Variants in ZNF420 observed in about 807,000 individuals in gnomAD.
ZNF420 encodes zinc finger protein 420.
In ZNF420, 31 loss-of-function variants were observed where a neutral mutation model predicts 44.7. That is an observed-to-expected ratio of 0.69 (90% CI 0.52 to 0.94). ZNF420 has a LOEUF of 0.94. ZNF420 is among the 40% of genes least tolerant of loss of function. The pLI, the probability that ZNF420 is intolerant of heterozygous loss-of-function variation, is 0.00. For synonymous variants in ZNF420, 245 were observed against 267.4 expected, an observed-to-expected ratio of 0.92 and a Z score of 0.82; for missense variants, 681 against 827.9, an observed-to-expected ratio of 0.82 and a Z score of 2.18.
chr19:37,041,490 C>A (rs961379774), intron 1 of ZNF420, among the ~76,000 whole-genome samples: 4 of 146,846 alleles, frequency 2.7e-5, no homozygotes, highest in Non-Finnish European at 6.0e-5. Flanking sequence ...CTTAAAACTT[C>A]TTACTTCCAA....
intron 2 of ZNF420, among the ~76,000 whole-genome samples, chr19:37,087,185 T>C (rs2146518327): frequency 6.6e-6 from 1 of 151,554 alleles, no homozygotes; most frequent in East Asian, 2.0e-4. Flanking sequence ...CTTCGAAGGC[T>C]GAGGAGGGAG....
chr19:37,020,480 G>A (rs2074640439), intron 1 of ZNF420, among the ~76,000 whole-genome samples: 1 of 152,150 alleles, frequency 6.6e-6, no homozygotes, highest in African/African-American at 2.4e-5. Flanking sequence ...CTGTAAGAGA[G>A]AACATGCCTG....
rs116723974 is a variant in ZNF420 at position 37,103,143 on chromosome 19, G to T, written c.136+12022G>T. 3.9e-3 allele frequency among the ~76,000 whole-genome samples: 600 copies of T among 152,024 alleles called. 5 individuals carry two copies. The highest frequency in any genetic ancestry group is 0.014 in the African/African-American group (573 of 41,508). ...AATTTCCCTGGGTACAATTTTAGCT[G>T]ATTTCTTGGGATTTCACACAAAGTT... On this transcript the variant is annotated intron_variant, in intron 4 of 4. Coordinates refer to ENST00000337995, the MANE Select transcript of ZNF420 (RefSeq NM_144689.5).
upstream of ZNF420, among the ~76,000 whole-genome samples, chr19:37,076,062 T>TA (rs1290375472): frequency 1.3e-5 from 2 of 152,092 alleles, no homozygotes; most frequent in South Asian, 2.1e-4. Context: ...ATACTTTTTT[T>TA]AAAAAAATCA....
At chr19:37,120,986 A>G (rs940998855) in intron 4 of ZNF420, among the ~76,000 whole-genome samples, 5 of 152,082 alleles carry the variant, frequency 3.3e-5, no homozygotes, top group African/African-American at 1.2e-4. Flanking sequence ...GATACAAACA[A>G]ATGGAAGAAC....
At chr19:37,117,658 C>T (rs528269915) in intron 4 of ZNF420, among the ~76,000 whole-genome samples, 55 of 152,182 alleles carry the variant, frequency 3.6e-4, no homozygotes, top group African/African-American at 1.1e-3. Context: ...AGGCTTCAGA[C>T]GATCAAACTA....
Position 37,017,069 on chromosome 19 carries a change from C to T in ZNF420, c.-125+8987C>T, listed in dbSNP as rs7253986. On this transcript the variant is annotated intron_variant, in intron 1 of 4. Transcript: ENST00000587029. Reference sequence around the variant, plus strand: ...ACCACATATTTCACCATCTTGCTAACATCATCACCATCTGTTTCCTTTATT... The same window carrying T: ...ACCACATATTTCACCATCTTGCTAATATCATCACCATCTGTTTCCTTTATT... 2.1e-3 allele frequency among the ~76,000 whole-genome samples: 313 copies of T among 152,340 alleles called. 3 individuals are homozygous for T. The highest frequency in any genetic ancestry group is 7.3e-3 in the African/African-American group (305 of 41,578).
Position 37,128,458 on chromosome 19 carries a change from G to A in ZNF420, c.1467G>A (p.Gln489=). 6.2e-7 allele frequency: 1 copy of A among 1,613,892 alleles called. No individual in the cohort carries two copies. Among genetic ancestry groups the A allele is most frequent in the Non-Finnish European group, 8.5e-7 (1 of 1,179,934 alleles). The part of the protein sequence containing the change: ...ECGKSFIRGS[Q]LTQHQRIHTG... Reference sequence around the variant, plus strand: ...GGAAATCTTTTATTCGTGGTTCCCAGCTTACTCAACATCAGAGAATCCATA... The same window carrying A: ...GGAAATCTTTTATTCGTGGTTCCCAACTTACTCAACATCAGAGAATCCATA... Residue 489 remains glutamine (Q), a synonymous_variant, in exon 5 of 5, where the codon CAG becomes CAA. Coordinates refer to ENST00000337995, the MANE Select transcript of ZNF420 (RefSeq NM_144689.5).
chr19:37,127,810 T>C lies in ZNF420; in HGVS notation c.819T>C (p.His273=), dbSNP rs778843504. 1.1e-5 allele frequency: 18 copies of C among 1,613,308 alleles called. No individual in the cohort carries two copies. Among genetic ancestry groups the C allele is most frequent in the Middle Eastern group, 1.6e-4 (1 of 6,076 alleles). The change falls in exon 5 of 5, where the codon CAT becomes CAC. Residue 273 remains histidine, a synonymous_variant. Coordinates refer to ENST00000337995, the MANE Select transcript of ZNF420 (RefSeq NM_144689.5). ...NSQLTLHQRL[H]TGEKLYECKE... Reference sequence around the variant, plus strand: ...AACTTACACTACACCAGAGACTTCATACTGGTGAAAAGCTCTATGAATGTA... The same window carrying C: ...AACTTACACTACACCAGAGACTTCACACTGGTGAAAAGCTCTATGAATGTA...
In ZNF420 at chr19:37,089,021, C is replaced by T. The variant is rs897834287; in HGVS notation, c.-80-18C>T. ...TTGCAAAACACCTGGTCTCATGGTT[C>T]TGCTTTCTCCTCCGTAGCTCTGCAT... On this transcript the variant is annotated intron_variant, in intron 2 of 4. Coordinates refer to ENST00000337995, the MANE Select transcript of ZNF420 (RefSeq NM_144689.5). The T allele has an allele frequency of 9.4e-7, 1 of 1,065,984 alleles. No homozygotes were observed. The highest frequency in any genetic ancestry group is 1.6e-5 in the African/African-American group (1 of 64,148). The allele number at this position is 1,065,984 out of a possible 1,614,324, so 66.0% of individuals were successfully genotyped here.
At chr19:37,076,734 T>C (rs1231124752), upstream of ZNF420, among the ~76,000 whole-genome samples, 1 of 152,184 alleles carries the variant, frequency 6.6e-6, no homozygotes, top group African/African-American at 2.4e-5. Flanking sequence ...TAGTATTCCA[T>C]GATGTATATG....
chr19:37,033,173 G>A (rs1320310569), intron 1 of ZNF420, among the ~76,000 whole-genome samples: 5 of 152,058 alleles, frequency 3.3e-5, no homozygotes, highest in African/African-American at 1.2e-4. Flanking sequence ...TTTTGAAAAA[G>A]CTTTAATTTT....
chr19:37,111,100 T>C (rs369008393), intron 4 of ZNF420, among the ~76,000 whole-genome samples: 164 of 152,312 alleles, frequency 1.1e-3, no homozygotes, highest in African/African-American at 3.9e-3. Context: ...AAAGTCTTAA[T>C]TGTACTGTGA....
At chr19:37,044,302 A>C (rs557844328) in intron 1 of ZNF420, among the ~76,000 whole-genome samples, 1 of 152,336 alleles carries the variant, frequency 6.6e-6, no homozygotes, top group African/African-American at 2.4e-5. Context: ...GGATCACTTG[A>C]GGCCAGGAGT....
intron 1 of ZNF420, among the ~76,000 whole-genome samples, chr19:37,015,145 T>C (rs1181507625): frequency 6.6e-6 from 1 of 152,210 alleles, no homozygotes; most frequent in Non-Finnish European, 1.5e-5. Context: ...TGTGTGTTTC[T>C]TTCTGTGTGT....
At chr19:37,115,075 G>A (rs755634861) in intron 4 of ZNF420, 15 of 164,598 alleles carry the variant, frequency 9.1e-5, no homozygotes, top group Admixed American at 2.6e-4. Flanking sequence ...TCTTCTGAGC[G>A]CACAAGTTTA....
At chr19:37,085,655 T>C (rs567310999) in intron 2 of ZNF420, among the ~76,000 whole-genome samples, 1 of 152,224 alleles carries the variant, frequency 6.6e-6, no homozygotes, top group Non-Finnish European at 1.5e-5. Context: ...GAGGACATCC[T>C]AATCTAGGGG....
rs574939597 is a variant in ZNF420, at chr19:37,115,522, T to C, written c.137-11606T>C. Among the ~76,000 whole-genome samples, 84 of 152,086 alleles carry C rather than the reference T, an allele frequency of 5.5e-4. 4 individuals carry two copies. The South Asian group carries it at 0.016, about 29-fold the overall frequency. ...GAAAGGTGCTGTGCCTTGATGTACA[T>C]GTATACAAACATCTCGGTGCATTAA... On this transcript the variant is annotated intron_variant, in intron 4 of 4. Coordinates refer to ENST00000337995, the MANE Select transcript of ZNF420 (RefSeq NM_144689.5).
intron 1 of ZNF420, among the ~76,000 whole-genome samples, chr19:37,041,130 C>T (rs1039992096): frequency 2.0e-5 from 3 of 151,896 alleles, no homozygotes; most frequent in African/African-American, 7.3e-5. Context: ...TCAAGACCAG[C>T]CTGGCCAACA....
Sources: gnomAD v4.1 joint callset for allele counts (sites outside exome capture counted in the v4.1 genomes callset) on GRCh38, gnomAD v4.1.1 for gene constraint, MANE v1.5 for transcripts, NCBI Gene and HGNC (gene_info 2026-07-23, HGNC 2026-07-21) for gene names.